The following MAP3K7CL variants were observed in gnomAD, a reference collection of about 807,000 sequenced individuals.
MAP3K7CL encodes MAP3K7 C-terminal-like protein.
A neutral mutation model predicts 18.6 loss-of-function variants in MAP3K7CL; 16 were observed. The ratio of observed to expected loss-of-function variants is 0.86; its 90% confidence interval spans 0.58 to 1.31. MAP3K7CL has a LOEUF of 1.31. Ranked by LOEUF, MAP3K7CL falls within the 50% of genes most tolerant of loss-of-function variation. MAP3K7CL has a pLI of 0.00. For synonymous variants in MAP3K7CL, 65 were observed against 66.8 expected (o/e 0.97, Z 0.13); for missense variants, 163 against 174.4 (o/e 0.93, Z 0.37).
At chr21:29,097,719 G>T (rs1348118761) in intron 4 of MAP3K7CL, among the ~76,000 whole-genome samples, 1 of 152,040 alleles carries the variant, frequency 6.6e-6, no homozygotes, top group Non-Finnish European at 1.5e-5. Context: ...AACATGCAAA[G>T]ATATAATTTA....
chr21:29,102,181 G>A lies in MAP3K7CL; in HGVS notation c.370+9600G>A, dbSNP rs549763676. On this transcript the variant is annotated intron_variant, in intron 4 of 6. Coordinates refer to the MAP3K7CL transcript ENST00000286791. ...GACAAAGATTATCTCCTTCTTTAGG[G>A]AACAGAGTGTGGCGAACTGAGTCCA... Among the ~76,000 whole-genome samples, 214 of 152,300 alleles carry A rather than the reference G, an allele frequency of 1.4e-3. 2 individuals are homozygous for A. The highest frequency in any genetic ancestry group is 0.014 in the Middle Eastern group (4 of 294).
intron 4 of MAP3K7CL, among the ~76,000 whole-genome samples, chr21:29,172,245 T>C (rs1357439107): frequency 6.7e-6 from 1 of 149,698 alleles, no homozygotes; most frequent in African/African-American, 2.4e-5. Context: ...CATTTTCTTT[T>C]TTTTTTTTTT....
chr21:29,155,513 C>A (rs1272250581), intron 3 of MAP3K7CL, among the ~76,000 whole-genome samples: 2 of 152,148 alleles, frequency 1.3e-5, no homozygotes, highest in African/African-American at 2.4e-5. Context: ...GTGGAATCCA[C>A]TTCGGGAGGA....
At chr21:29,093,710 A>C (rs1042535312) in intron 4 of MAP3K7CL, among the ~76,000 whole-genome samples, 1 of 151,460 alleles carries the variant, frequency 6.6e-6, no homozygotes, top group Non-Finnish European at 1.5e-5. Context: ...GGATGGTCTC[A>C]ATCTCCTCCT....
chr21:29,151,473 C>CA (rs2087274613), intron 3 of MAP3K7CL, among the ~76,000 whole-genome samples: 1 of 151,740 alleles, frequency 6.6e-6, no homozygotes, highest in East Asian at 1.9e-4. Flanking sequence ...GACTCCGTCT[C>CA]AAAAAAATAA....
intron 4 of MAP3K7CL, among the ~76,000 whole-genome samples, chr21:29,096,762 G>A (rs76716459): frequency 0.012 from 1,838 of 152,270 alleles, 47 homozygotes; most frequent in African/African-American, 0.043. Flanking sequence ...GTTGGGTAGA[G>A]CTGGCCTCAG....
intron 2 of MAP3K7CL, among the ~76,000 whole-genome samples, chr21:29,143,249 G>A (rs1445520297): frequency 6.6e-6 from 1 of 152,074 alleles, no homozygotes; most frequent in African/African-American, 2.4e-5. Context: ...TGATCACATA[G>A]GTCCAATGCC....
intron 2 of MAP3K7CL, among the ~76,000 whole-genome samples, chr21:29,147,570 ATG>A (rs1279064805): frequency 6.6e-6 from 1 of 151,596 alleles, no homozygotes; most frequent in African/African-American, 2.4e-5. Context: ...TTGTATATGT[ATG>A]TGTACTGTGT....
chr21:29,134,026 A>G (rs2832209), intron 2 of MAP3K7CL, among the ~76,000 whole-genome samples: 28,280 of 152,200 alleles, frequency 0.19, 2,880 homozygotes, highest in East Asian at 0.39. Context: ...TTTGAACAAA[A>G]GACCTCATGT....
intron 2 of MAP3K7CL, among the ~76,000 whole-genome samples, chr21:29,137,661 T>C (rs763093806): frequency 6.6e-6 from 1 of 152,180 alleles, no homozygotes; most frequent in African/African-American, 2.4e-5. Flanking sequence ...ACTAGTCATT[T>C]GGAGCAAGAC....
At chr21:29,120,230 G>GTCTTTGTATATTTGTGTATTTGTA (rs2086569800) in intron 4 of MAP3K7CL, among the ~76,000 whole-genome samples, 1 of 150,156 alleles carries the variant, frequency 6.7e-6, no homozygotes, top group African/African-American at 2.5e-5. Flanking sequence ...GTATCTTTGT[G>GTCTTTGTATATTTGTGTATTTGTA]TCTTTGTATA....
intron 4 of MAP3K7CL, among the ~76,000 whole-genome samples, chr21:29,164,261 C>T (rs1312274701): frequency 6.6e-6 from 1 of 152,034 alleles, no homozygotes; most frequent in Non-Finnish European, 1.5e-5. Context: ...ATGTCTTTTC[C>T]CAAACAGTCT....
At chr21:29,115,777 T>C (rs774534187) in intron 4 of MAP3K7CL, among the ~76,000 whole-genome samples, 2 of 152,256 alleles carry the variant, frequency 1.3e-5, no homozygotes, top group African/African-American at 2.4e-5. Flanking sequence ...CCTCTGAGCA[T>C]GGGCCCTGTG....
intron 1 of MAP3K7CL, chr21:29,131,311 G>A (rs1213886207): frequency 6.6e-6 from 1 of 152,210 alleles, no homozygotes; most frequent in Non-Finnish European, 1.5e-5. Flanking sequence ...AGCCAAAAGA[G>A]GAGTGCAACT....
intron 2 of MAP3K7CL, among the ~76,000 whole-genome samples, chr21:29,146,315 G>T (rs62222423): frequency 0.029 from 4,394 of 152,262 alleles, 101 homozygotes; most frequent in Middle Eastern, 0.095. Context: ...TGGACCCAAT[G>T]AGCTAAAATG....
At chr21:29,108,083 G>A (rs1236659255) in intron 4 of MAP3K7CL, among the ~76,000 whole-genome samples, 1 of 152,206 alleles carries the variant, frequency 6.6e-6, no homozygotes. Context: ...TATACATATT[G>A]TTATTGATTA....
chr21:29,105,102 C>T (rs2086297752), intron 4 of MAP3K7CL, among the ~76,000 whole-genome samples: 1 of 152,212 alleles, frequency 6.6e-6, no homozygotes, highest in African/African-American at 2.4e-5. Context: ...GATTTCCACC[C>T]AAGAATCCAG....
exon 4 of MAP3K7CL, chr21:29,092,554 C>T: frequency 6.2e-7 from 1 of 1,614,150 alleles, no homozygotes; most frequent in Middle Eastern, 1.6e-4. Flanking sequence ...TATTACTGTG[C>T]CCGTGGAAAT....
At chr21:29,129,068 G>T (rs8132085), upstream of MAP3K7CL, among the ~76,000 whole-genome samples, 100,124 of 152,100 alleles carry the variant, frequency 0.66, 34,803 homozygotes, top group African/African-American at 0.89. Flanking sequence ...TTGAACAGTT[G>T]TCAATTTACA....
Sources: gnomAD v4.1 joint callset for allele counts (sites outside exome capture counted in the v4.1 genomes callset) on GRCh38, gnomAD v4.1.1 for gene constraint, MANE v1.5 for transcripts, NCBI Gene and HGNC (gene_info 2026-07-23, HGNC 2026-07-21) for gene names.